Variants in GTF2E2 observed in about 807,000 individuals in gnomAD.
GTF2E2 encodes transcription initiation factor IIE subunit beta.
GTF2E2 carries 21 observed loss-of-function variants against 40.5 expected under a neutral mutation model. The observed-to-expected ratio is 0.52, with a 90% CI of 0.37 to 0.75. The LOEUF (loss-of-function observed/expected upper bound fraction) is 0.75. Among genes scored for constraint, GTF2E2 ranks in the 30% least tolerant of loss-of-function variants. GTF2E2 has a pLI of 0.00. For missense variants in GTF2E2, 298 were observed against 338.4 expected (o/e 0.88, Z 0.94); for synonymous variants, 117 against 121.6 (o/e 0.96, Z 0.25).
intron 2 of GTF2E2, among the ~76,000 whole-genome samples, chr8:30,648,049 T>C (rs1270279411): frequency 6.6e-6 from 1 of 152,120 alleles, no homozygotes; most frequent in Non-Finnish European, 1.5e-5. Context: ...GAATTCACAC[T>C]GAAGAATGAG....
chr8:30,617,917 T>C (rs1350830065), intron 3 of GTF2E2, among the ~76,000 whole-genome samples: 1 of 152,150 alleles, frequency 6.6e-6, no homozygotes, highest in East Asian at 1.9e-4. Context: ...ACGTGGGGTG[T>C]ACACACCCCA....
intron 6 of GTF2E2, among the ~76,000 whole-genome samples, chr8:30,587,885 A>AC (rs1422381547): frequency 6.6e-6 from 1 of 151,274 alleles, no homozygotes; most frequent in African/African-American, 2.4e-5. Context: ...AAAAAAAAAA[A>AC]AAAAAAAACC....
intron 6 of GTF2E2, among the ~76,000 whole-genome samples, chr8:30,606,355 A>G (rs1241855998): frequency 2.0e-5 from 3 of 152,238 alleles, no homozygotes; most frequent in Non-Finnish European, 4.4e-5. Flanking sequence ...AGGTTACTGC[A>G]CAAATCACAA....
chr8:30,602,944 G>C (rs1437336062), intron 6 of GTF2E2, among the ~76,000 whole-genome samples: 1 of 151,924 alleles, frequency 6.6e-6, no homozygotes, highest in African/African-American at 2.4e-5. Context: ...TCCTGTTTTG[G>C]CTTATTTCAC....
At chr8:30,645,177 G>A in intron 2 of GTF2E2, 1 of 1,003,700 alleles carries the variant, frequency 1.0e-6, no homozygotes, top group Non-Finnish European at 1.4e-6. Context: ...AATTAAGGAA[G>A]ATTCATGTTG....
rs985423719 is a variant in GTF2E2 at position 30,580,226 on chromosome 8, C to G, written c.759+55G>C. The G allele has an allele frequency of 9.4e-6, 9 of 952,522 alleles. No individual in the cohort carries two copies. In the African/African-American group the frequency reaches 1.4e-4, roughly 15 times the overall value. The allele number at this position is 952,522 out of a possible 1,614,324, so 59.0% of individuals were successfully genotyped here. A position where few individuals can be genotyped will look rare whatever the true frequency, so the allele number is the denominator to read the frequency against. On this transcript the variant is annotated intron_variant, in intron 7 of 7. Coordinates refer to ENST00000355904, the MANE Select transcript of GTF2E2 (RefSeq NM_002095.6). Reference sequence around the variant, plus strand: ...GCTCTTCAGAGGGCAGAAAGCGGAGCAGGCTAACAGTTCCCAGGGCAGGGG... The same window carrying G: ...GCTCTTCAGAGGGCAGAAAGCGGAGGAGGCTAACAGTTCCCAGGGCAGGGG...
At chr8:30,584,504 A>G (rs1828616681) in intron 6 of GTF2E2, 1 of 152,238 alleles carries the variant, frequency 6.6e-6, no homozygotes, top group Non-Finnish European at 1.5e-5. Flanking sequence ...GTAAGGGTAA[A>G]TAAAATCAGA....
At chr8:30,625,516 G>A (rs571271485) in intron 3 of GTF2E2, among the ~76,000 whole-genome samples, 6 of 152,074 alleles carry the variant, frequency 3.9e-5, no homozygotes, top group East Asian at 1.9e-4. Flanking sequence ...GGCAACGACC[G>A]AACAGCCAAA....
chr8:30,598,958 G>C lies in GTF2E2; in HGVS notation c.643+8099C>G, dbSNP rs538878697. Reference sequence around the variant, plus strand: ...AGGATCGTTTGGCCCAGGAGTTCAAGACCAGTCTGGGCAACAAAGCGAGAC... The same window carrying C: ...AGGATCGTTTGGCCCAGGAGTTCAACACCAGTCTGGGCAACAAAGCGAGAC... On this transcript the variant is annotated intron_variant, in intron 6 of 7. Transcript: ENST00000355904. 5.9e-5 allele frequency among the ~76,000 whole-genome samples: 9 copies of C among 152,204 alleles called. No individual in the cohort carries two copies. The East Asian group carries it at 9.7e-4, about 16-fold the overall frequency.
intron 4 of GTF2E2, among the ~76,000 whole-genome samples, chr8:30,614,041 G>T (rs1800824663): frequency 6.6e-6 from 1 of 152,082 alleles, no homozygotes; most frequent in Non-Finnish European, 1.5e-5. Flanking sequence ...CAATTTACAA[G>T]CACACAAACT....
chr8:30,631,829 C>T (rs559705077), intron 3 of GTF2E2, among the ~76,000 whole-genome samples: 15 of 152,312 alleles, frequency 9.8e-5, no homozygotes, highest in Middle Eastern at 3.4e-3. Flanking sequence ...GGTCTAGTGG[C>T]TCACGCCTGT....
chr8:30,597,451 A>G (rs1312283301), intron 6 of GTF2E2: 2 of 152,158 alleles, frequency 1.3e-5, no homozygotes, highest in African/African-American at 4.8e-5. Flanking sequence ...GAGTGGATAC[A>G]AACTCCCCCT....
intron 6 of GTF2E2, among the ~76,000 whole-genome samples, chr8:30,583,811 T>A (rs796535979): frequency 4.6e-5 from 7 of 151,812 alleles, no homozygotes; most frequent in African/African-American, 1.7e-4. Context: ...TATTTATTTA[T>A]TTTATTTATT....
chr8:30,598,627 A>G (rs142825758), intron 6 of GTF2E2, among the ~76,000 whole-genome samples: 2,799 of 152,318 alleles, frequency 0.018, 81 homozygotes, highest in Admixed American at 0.022. Context: ...GTAAATGTAA[A>G]TATATGACAT....
At chr8:30,633,255 T>C (rs950533548) in intron 3 of GTF2E2, among the ~76,000 whole-genome samples, 1 of 152,088 alleles carries the variant, frequency 6.6e-6, no homozygotes, top group Non-Finnish European at 1.5e-5. Context: ...AAGATAAAAA[T>C]ACATAACATT....
At chr8:30,581,203 C>T (rs1436729341) in intron 6 of GTF2E2, among the ~76,000 whole-genome samples, 1 of 152,204 alleles carries the variant, frequency 6.6e-6, no homozygotes, top group Non-Finnish European at 1.5e-5. Context: ...GAAAAGCTCT[C>T]TGAGCCCCGA....
intron 6 of GTF2E2, among the ~76,000 whole-genome samples, chr8:30,582,749 C>T (rs959894542): frequency 6.6e-6 from 1 of 152,198 alleles, no homozygotes; most frequent in African/African-American, 2.4e-5. Context: ...CGAGCTTGTG[C>T]CCTTCTTGGG....
chr8:30,615,124 T>A (rs1462978751), intron 3 of GTF2E2, among the ~76,000 whole-genome samples: 1 of 151,540 alleles, frequency 6.6e-6, no homozygotes, highest in African/African-American at 2.4e-5. Context: ...ACTAAAAATA[T>A]AAAAATCAGC....
chr8:30,605,874 T>G (rs1829304010), intron 6 of GTF2E2, among the ~76,000 whole-genome samples: 2 of 152,184 alleles, frequency 1.3e-5, no homozygotes, highest in Admixed American at 6.5e-5. Flanking sequence ...TTGCCCAGGC[T>G]GGTCTTGAAC....
Sources: gnomAD v4.1 joint callset for allele counts (sites outside exome capture counted in the v4.1 genomes callset) on GRCh38, gnomAD v4.1.1 for gene constraint, MANE v1.5 for transcripts, NCBI Gene and HGNC (gene_info 2026-07-23, HGNC 2026-07-21) for gene names.